Variants in PLAC1 observed in about 807,000 individuals in gnomAD.
PLAC1 encodes the protein placenta-specific protein 1.
For synonymous variants in PLAC1, 68 were observed against 62.1 expected (o/e 1.09, Z -0.44); for missense variants, 136 against 163.2 (o/e 0.83, Z 0.91).
At chrX:134,712,263 C>A (rs5978035) in intron 2 of PLAC1, among the ~76,000 whole-genome samples, 11,273 of 110,880 alleles carry the variant, frequency 0.1, 719 homozygotes, top group Admixed American at 0.34. Flanking sequence ...CAACAGCTCC[C>A]CATACCCCAT....
chrX:134,752,339 C>T lies in PLAC1; in HGVS notation n.89+11895G>A, dbSNP rs1000831309. 2.7e-5 allele frequency among the ~76,000 whole-genome samples: 3 copies of T among 110,945 alleles called. No homozygotes were observed. In the East Asian group the frequency reaches 8.4e-4, roughly 31 times the overall value. ...TAGCTATAGATTAAAATGAAAAACC[C>T]GTCACTTTCAGAAGGGCAATATCAT... On this transcript the variant is annotated intron_variant and non_coding_transcript_variant, in intron 1 of 2. Transcript: ENST00000466797.
intron 2 of PLAC1, among the ~76,000 whole-genome samples, chrX:134,708,501 G>A (rs913826579): frequency 9.2e-6 from 1 of 108,269 alleles, no homozygotes; most frequent in African/African-American, 3.4e-5. Flanking sequence ...GTAGCATGAG[G>A]GACATCTTTG....
intron 1 of PLAC1, among the ~76,000 whole-genome samples, chrX:134,756,791 T>G (rs942064706): frequency 1.0e-4 from 11 of 108,602 alleles, no homozygotes; most frequent in African/African-American, 2.7e-4. Flanking sequence ...GGAGGTTGCA[T>G]TGAGCCGAGA....
chrX:134,640,835 G>C (rs971894452), intron 1 of PLAC1, among the ~76,000 whole-genome samples: 3 of 112,457 alleles, frequency 2.7e-5, no homozygotes, highest in Non-Finnish European at 5.6e-5. Context: ...AATGGGGCCA[G>C]GTGCAGTGGC....
intron 2 of PLAC1, among the ~76,000 whole-genome samples, chrX:134,593,274 G>A (rs1375239615): frequency 8.9e-6 from 1 of 112,111 alleles, no homozygotes; most frequent in Non-Finnish European, 1.9e-5. Flanking sequence ...GTTGATTTAT[G>A]TGTCTGTCCT....
chrX:134,574,254 T>A (rs755401059), intron 2 of PLAC1, among the ~76,000 whole-genome samples: 1 of 112,065 alleles, frequency 8.9e-6, no homozygotes, highest in African/African-American at 3.2e-5. Flanking sequence ...AAATGGGGTC[T>A]TGATCTACTA....
At chrX:134,736,883 C>T (rs894910826) in intron 1 of PLAC1, among the ~76,000 whole-genome samples, 54 of 112,280 alleles carry the variant, frequency 4.8e-4, no homozygotes, top group African/African-American at 1.7e-3. Context: ...CAGGACACCA[C>T]AAGATTGATC....
Position 134,603,335 on chromosome X carries a change from T to A in PLAC1, c.-130-1213A>T, listed in dbSNP as rs1275477448. ...TATATTTTTTTTTTTTTTTTTTTTT[T>A]TTTTTTTTTTTTTCTTTTTTGAGAC... On this transcript the variant is annotated intron_variant, in intron 1 of 2. Coordinates refer to ENST00000359237, the MANE Select transcript of PLAC1 (RefSeq NM_021796.4). Among the ~76,000 whole-genome samples, 8 of 44,605 alleles carry A rather than the reference T, an allele frequency of 1.8e-4. 1 individual carries two copies. Among genetic ancestry groups the A allele is most frequent in the African/African-American group, 5.9e-4 (7 of 11,815 alleles). The allele number at this position is 44,605 out of a possible 115,157, so 38.7% of individuals were successfully genotyped here. A position where few individuals can be genotyped will look rare whatever the true frequency, so the allele number is the denominator to read the frequency against.
At chrX:134,628,397 T>C in intron 1 of PLAC1, among the ~76,000 whole-genome samples, 1 of 112,196 alleles carries the variant, frequency 8.9e-6, no homozygotes, top group Non-Finnish European at 1.9e-5. Context: ...AGTTTCTCTA[T>C]ATACTTTGAT....
chrX:134,725,457 C>A (rs1417319828), intron 2 of PLAC1, among the ~76,000 whole-genome samples: 2 of 111,790 alleles, frequency 1.8e-5, no homozygotes, highest in East Asian at 5.6e-4. Context: ...TAAAACACAG[C>A]TGACTGGGGC....
At chrX:134,590,064 A>G (rs546735501) in intron 2 of PLAC1, among the ~76,000 whole-genome samples, 90 of 108,447 alleles carry the variant, frequency 8.3e-4, no homozygotes, top group Middle Eastern at 4.9e-3. Context: ...GCGTGGTGGT[A>G]CGTGCCTGTA....
rs758013999 is a variant in PLAC1, at chrX:134,747,179, A to G, written n.90-13660T>C. ...TACTCTGGGAGAGGTGGGGTGGAAC[A>G]CCACCGACCACCTAGAGTTAAATGA... On this transcript the variant is annotated intron_variant and non_coding_transcript_variant, in intron 1 of 2. Transcript: ENST00000466797. Among the ~76,000 whole-genome samples, 14 of 111,739 alleles carry G rather than the reference A, an allele frequency of 1.3e-4. No individual in the cohort carries two copies. In the East Asian group the frequency reaches 3.4e-3, roughly 27 times the overall value.
chrX:134,687,074 A>G (rs908208810), intron 2 of PLAC1, among the ~76,000 whole-genome samples: 3 of 111,964 alleles, frequency 2.7e-5, no homozygotes, highest in Non-Finnish European at 5.6e-5. Context: ...GGATATTAGC[A>G]TCATGGCTCT....
At chrX:134,599,951 G>T (rs2078080789) in intron 2 of PLAC1, among the ~76,000 whole-genome samples, 2 of 111,128 alleles carry the variant, frequency 1.8e-5, no homozygotes, top group Non-Finnish European at 3.8e-5. Flanking sequence ...AAGGGGTGGG[G>T]ATGGAGAGAA....
At chrX:134,585,293 G>A (rs2077994953) in intron 2 of PLAC1, among the ~76,000 whole-genome samples, 1 of 109,832 alleles carries the variant, frequency 9.1e-6, no homozygotes, top group African/African-American at 3.3e-5. Flanking sequence ...GTTGCAGTGA[G>A]CTGAGATTGT....
At chrX:134,634,999 C>T (rs2078277227) in intron 1 of PLAC1, among the ~76,000 whole-genome samples, 1 of 111,703 alleles carries the variant, frequency 9.0e-6, no homozygotes, top group Admixed American at 9.5e-5. Flanking sequence ...TGTCTGAGAG[C>T]TCCAATTCCT....
rs2078588500 is a variant in PLAC1 at position 134,702,925 on chromosome X, T to A, written n.174+30510A>T. On this transcript the variant is annotated intron_variant and non_coding_transcript_variant, in intron 2 of 2. Transcript: ENST00000466797. ...CTATGTAATTTAAATAAATATTCTGTAAACAGATGATATATGGGTATGAAA... is the reference window on the plus strand; with the variant it reads ...CTATGTAATTTAAATAAATATTCTGAAAACAGATGATATATGGGTATGAAA... 3.6e-5 allele frequency among the ~76,000 whole-genome samples: 4 copies of A among 112,054 alleles called. No individual in the cohort carries two copies. In the Admixed American group the frequency reaches 3.8e-4, roughly 11 times the overall value.
chrX:134,588,469 T>A (rs1286640947), intron 2 of PLAC1, among the ~76,000 whole-genome samples: 2 of 109,509 alleles, frequency 1.8e-5, no homozygotes, highest in Non-Finnish European at 1.9e-5. Context: ...CCTCCTTGTG[T>A]AGGGAACCCA....
chrX:134,705,035 C>CACAT (rs1223622196), intron 2 of PLAC1, among the ~76,000 whole-genome samples: 10 of 96,929 alleles, frequency 1.0e-4, no homozygotes, highest in African/African-American at 4.1e-4. Flanking sequence ...CACACACACA[C>CACAT]TAATATATAA....
Sources: gnomAD v4.1 joint callset for allele counts (sites outside exome capture counted in the v4.1 genomes callset) on GRCh38, gnomAD v4.1.1 for gene constraint, MANE v1.5 for transcripts, NCBI Gene and HGNC (gene_info 2026-07-23, HGNC 2026-07-21) for gene names.